DNAH10: variants seen among roughly 807,000 people sequenced by gnomAD.
DNAH10 encodes the protein axonemal beta dynein heavy chain 10.
Under a neutral mutation model 506.6 loss-of-function variants are expected in DNAH10, and 348 were observed. The ratio of observed to expected loss-of-function variants is 0.69; its 90% CI spans 0.63 to 0.75. The LOEUF (loss-of-function observed/expected upper bound fraction) is 0.75. DNAH10 is among the 30% of genes least tolerant of loss of function. The probability of loss-of-function intolerance (pLI) is 0.00; values close to 1 mark genes in which losing one functional copy is unlikely to be tolerated. For missense variants in DNAH10, 5,179 were observed against 5,787.1 expected, an observed-to-expected ratio of 0.89 and a Z score of 3.41; for synonymous variants, 2,059 against 2,198.6, an observed-to-expected ratio of 0.94 and a Z score of 1.78.
intron 77 of DNAH10, 98 bp from the exon 78 acceptor site, chr12:123,934,523 C>T (rs772228890): frequency 6.8e-7 from 1 of 1,468,210 alleles, no homozygotes; most frequent in South Asian, 1.2e-5. Flanking sequence ...GGAGGCCAGC[C>T]AGTGGCCTGT....
At chr12:123,847,348 C>T (rs770512333) in intron 32 of DNAH10, among the ~76,000 whole-genome samples, 2 of 148,804 alleles carry the variant, frequency 1.3e-5, no homozygotes, top group Non-Finnish European at 3.0e-5. Flanking sequence ...ATCTATCTAT[C>T]TATCTGGATA....
At chr12:123,832,733 C>T (rs766108878) in intron 26 of DNAH10, among the ~76,000 whole-genome samples, 5 of 152,252 alleles carry the variant, frequency 3.3e-5, no homozygotes, top group East Asian at 3.9e-4. Context: ...AGCACAGGGG[C>T]AGAATCTCAT....
rs1160606993 is a variant in DNAH10 at position 123,887,313 on chromosome 12, G to C, written c.8995G>C (p.Gly2999Arg). 2 of 1,612,982 alleles carry C rather than the reference G, an allele frequency of 1.2e-6. No homozygotes were observed. The highest frequency in any genetic ancestry group is 1.1e-5 in the South Asian group (1 of 90,894). Reference protein sequence around the residue: ...LELINNMLTSGIVPALFSEEE... With the variant: ...LELINNMLTSRIVPALFSEEE... ...GCTCATCAACAACATGCTGACCTCAGGTACAGCCAAGGCTGGCGCCCGCTG... is the reference window on the plus strand; with the variant it reads ...GCTCATCAACAACATGCTGACCTCACGTACAGCCAAGGCTGGCGCCCGCTG... The change falls in exon 52 of 79, where the codon GGA (glycine) becomes CGA (arginine). Residue 2999 changes from glycine to arginine, a missense_variant and splice_region_variant. Physicochemically the swap from Gly to Arg is moderately radical, Grantham distance 125. This residue lies in a region of DNAH10 where 4,844 missense variants were observed against 5,430.5 expected (regional missense o/e 0.89). Coordinates refer to ENST00000673944, the MANE Select transcript of DNAH10 (RefSeq NM_001372106.1).
rs1344716687 is a variant in DNAH10, at chr12:123,910,547, A to G, written c.10009A>G (p.Thr3337Ala). The change falls in exon 59 of 79, where the codon ACT becomes GCT. Residue 3337 changes from threonine (T) to alanine (A), a missense_variant. Transcript: ENST00000673944. Reference protein sequence around the residue: ...QVKNIKGLLKTLNTTTEEMEA... With the variant: ...QVKNIKGLLKALNTTTEEMEA... ...ATGTTTCACGTTAGGCCTCTTGAAG[A>G]CTCTTAATACCACAACTGAAGAAAT... The G allele has an allele frequency of 6.2e-7, 1 of 1,612,004 alleles. No homozygotes were observed. Among genetic ancestry groups the G allele is most frequent in the Middle Eastern group, 1.6e-4 (1 of 6,080 alleles).
intron 39 of DNAH10, among the ~76,000 whole-genome samples, chr12:123,864,303 G>T (rs1951720064): frequency 6.6e-6 from 1 of 151,682 alleles, no homozygotes; most frequent in African/African-American, 2.4e-5. Context: ...ACACCACTAT[G>T]CCTGGCTAAT....
intron 57 of DNAH10, among the ~76,000 whole-genome samples, chr12:123,906,294 T>A (rs1286712738): frequency 2.6e-5 from 4 of 151,444 alleles, no homozygotes; most frequent in African/African-American, 9.7e-5. Context: ...TAGGCTGGAG[T>A]GCAGTGGCGC....
At chr12:123,769,212 C>A (rs1458253570) in intron 2 of DNAH10, among the ~76,000 whole-genome samples, 1 of 151,368 alleles carries the variant, frequency 6.6e-6, no homozygotes, top group Non-Finnish European at 1.5e-5. Flanking sequence ...ATGGTGCGAT[C>A]TCGGCTTGCT....
chr12:123,935,582 G>A lies in DNAH10; in HGVS notation c.*101G>A, dbSNP rs1955461407. ...TGGGGCCTCTCAAGAGGCAGGAGGG[G>A]GACTGACACTGATTTTTCATTTGAA... On this transcript the variant is annotated 3_prime_UTR_variant, in exon 79 of 79. Coordinates refer to ENST00000673944, the MANE Select transcript of DNAH10 (RefSeq NM_001372106.1). 1 of 1,241,902 alleles carries A rather than the reference G, an allele frequency of 8.1e-7. No individual in the cohort carries two copies. Among genetic ancestry groups the A allele is most frequent in the East Asian group, 2.4e-5 (1 of 41,924 alleles). 76.9% of individuals were successfully genotyped at this position (1,241,902 alleles called of 1,614,324 possible).
intron 73 of DNAH10, 35 bp downstream of exon 73, chr12:123,930,608 G>A: frequency 6.3e-7 from 1 of 1,599,696 alleles, no homozygotes; most frequent in Non-Finnish European, 8.5e-7. Context: ...ATGTTTTCAA[G>A]GCTTTTTCTA....
intron 52 of DNAH10, among the ~76,000 whole-genome samples, chr12:123,892,723 C>T (rs997548919): frequency 3.3e-5 from 5 of 152,354 alleles, no homozygotes; most frequent in South Asian, 2.1e-4. Context: ...AAGAAGTCCA[C>T]GTAGCCAGGG....
chr12:123,872,498 T>C (rs1952075214), intron 45 of DNAH10, among the ~76,000 whole-genome samples: 1 of 152,164 alleles, frequency 6.6e-6, no homozygotes, highest in South Asian at 2.1e-4. Context: ...ACAGTGGCTT[T>C]AGCAAGGTAC....
intron 65 of DNAH10, among the ~76,000 whole-genome samples, chr12:123,921,881 T>G (rs1013801221): frequency 7.9e-5 from 12 of 151,380 alleles, no homozygotes; most frequent in African/African-American, 2.7e-4. Context: ...ACTCAGCTAA[T>G]TTTTAGTATT....
At chr12:123,875,551 A>G in intron 47 of DNAH10, 60 bp downstream of exon 47, 6 of 1,599,734 alleles carry the variant, frequency 3.8e-6, no homozygotes, top group Non-Finnish European at 5.1e-6. Context: ...GGAAACATAC[A>G]CAGGGCTGAC....
At chr12:123,893,200 CAGAG>C (rs1266229541) in intron 52 of DNAH10, 29 bp from the exon 53 acceptor site, 1 of 1,605,494 alleles carries the variant, frequency 6.2e-7, no homozygotes, top group Non-Finnish European at 8.5e-7. Flanking sequence ...CCCTGGGACT[CAGAG>C]AGATCACCAG....
intron 51 of DNAH10, 148 bp from the exon 52 acceptor site, chr12:123,886,994 C>T (rs1251403274): frequency 5.4e-6 from 5 of 930,678 alleles, no homozygotes; most frequent in Non-Finnish European, 7.6e-6. Context: ...ACAGGGAGTC[C>T]CTTCCAGACT....
In DNAH10 at chr12:123,893,344, A is replaced by G; in HGVS notation, c.9107A>G (p.Tyr3036Cys). 1 of 1,614,046 alleles carries G rather than the reference A, an allele frequency of 6.2e-7. No individual in the cohort carries two copies. The highest frequency in any genetic ancestry group is 8.5e-7 in the Non-Finnish European group (1 of 1,179,894). ...CCGGCCAAGGAGTCTGTGTGGCAGT[A>G]CTTCGTGAACAAAAGTGCAAATAAC... ...MGPAKESVWQ[Y>C]FVNKSANNLH... The change falls in exon 53 of 79, where the codon TAC becomes TGC. Residue 3036 changes from tyrosine (Y) to cysteine (C), a missense_variant. Around this residue, in one of 3 missense-constraint regions of DNAH10, gnomAD observed 4,844 missense variants for 5,430.5 expected, o/e 0.89. Coordinates refer to ENST00000673944, the MANE Select transcript of DNAH10 (RefSeq NM_001372106.1).
At position 123,801,322 on chromosome 12, in the gene DNAH10, T is replaced by A; in HGVS notation, c.2504T>A (p.Met835Lys). Residue 835 changes from methionine (M) to lysine (K), a missense_variant, in exon 16 of 79, where the codon ATG becomes AAG. Physicochemically the swap from Met to Lys is moderately conservative, Grantham distance 95. This residue lies in a region of DNAH10 where 4,844 missense variants were observed against 5,430.5 expected (regional missense o/e 0.89). Coordinates refer to ENST00000673944, the MANE Select transcript of DNAH10 (RefSeq NM_001372106.1). The stretch of plus-strand genomic sequence containing the variant: ...CAGCGCATGTTGGATCATTATCACA[T>A]GCTCATAGGAACGTTAAACGATGCG... ...GIQRMLDHYHMLIGTLNDAES... is the reference protein window; with the variant it reads ...GIQRMLDHYHKLIGTLNDAES... 6.2e-7 allele frequency: 1 copy of A among 1,614,176 alleles called. No homozygotes were observed.
chr12:123,837,329 G>A (rs1961262895), intron 28 of DNAH10, among the ~76,000 whole-genome samples: 1 of 146,674 alleles, frequency 6.8e-6, no homozygotes, highest in African/African-American at 2.6e-5. Flanking sequence ...GTGACAGAGT[G>A]AGACTCTGTC....
At chr12:123,854,589 G>A (rs1041789991) in intron 36 of DNAH10, among the ~76,000 whole-genome samples, 2 of 152,130 alleles carry the variant, frequency 1.3e-5, no homozygotes, top group African/African-American at 4.8e-5. Flanking sequence ...CCGAGAAAGA[G>A]GTAAAAAACA....
Sources: allele counts gnomAD v4.1 joint callset (sites outside exome capture counted in the v4.1 genomes callset), GRCh38; gene constraint gnomAD v4.1.1; regional missense constraint gnomAD v4.1.1; transcripts MANE v1.5; gene names NCBI Gene and HGNC (gene_info 2026-07-23, HGNC 2026-07-21).